Variants in C1orf21 observed in about 807,000 individuals in gnomAD.
The protein encoded by C1orf21 is chromosome 1 open reading frame 21.
Under a neutral mutation model 18.7 loss-of-function variants are expected in C1orf21, and 3 were observed. The ratio of observed to expected loss-of-function variants is 0.16; its 90% CI spans 0.07 to 0.42. The LOEUF (loss-of-function observed/expected upper bound fraction) is 0.42. C1orf21 is among the 10% of genes least tolerant of loss of function. The pLI is 0.99. For missense variants in C1orf21, 104 were observed against 143.6 expected (o/e 0.72, Z 1.41); for synonymous variants, 41 against 46.4 (o/e 0.88, Z 0.47).
At chr1:184,447,910 T>C (rs540815616) in intron 1 of C1orf21, among the ~76,000 whole-genome samples, 1 of 152,298 alleles carries the variant, frequency 6.6e-6, no homozygotes, top group South Asian at 2.1e-4. Context: ...CCTGGTCCAC[T>C]TAAGTGGTCT....
At chr1:184,395,235 C>T (rs1025378617) in intron 1 of C1orf21, among the ~76,000 whole-genome samples, 1 of 151,842 alleles carries the variant, frequency 6.6e-6, no homozygotes, top group Non-Finnish European at 1.5e-5. Flanking sequence ...CTATTGTGCC[C>T]ACTGGGCCTT....
At chr1:184,542,403 A>G (rs984601451) in intron 3 of C1orf21, 1 of 152,202 alleles carries the variant, frequency 6.6e-6, no homozygotes, top group Non-Finnish European at 1.5e-5. Context: ...ATTCAAACCC[A>G]AGCAGGCTGG....
intron 2 of C1orf21, among the ~76,000 whole-genome samples, chr1:184,479,827 T>G (rs1657628144): frequency 6.6e-6 from 1 of 151,932 alleles, no homozygotes. Context: ...TTTGCCATGT[T>G]TCCCAGGCTG....
intron 2 of C1orf21, among the ~76,000 whole-genome samples, chr1:184,482,417 A>G (rs945554562): frequency 6.6e-6 from 1 of 152,198 alleles, no homozygotes; most frequent in Non-Finnish European, 1.5e-5. Context: ...AGTTGAGGGA[A>G]TAGAGTCTCT....
chr1:184,536,956 A>G (rs1050552542), intron 3 of C1orf21, among the ~76,000 whole-genome samples: 1 of 152,188 alleles, frequency 6.6e-6, no homozygotes, highest in Non-Finnish European at 1.5e-5. Context: ...TTCTCATCCA[A>G]GTTTCGTTTT....
At position 184,436,448 on chromosome 1, in the gene C1orf21, C is replaced by T. The variant is rs535819654; in HGVS notation, c.-124-40938C>T. Among the ~76,000 whole-genome samples, 6 of 151,842 alleles carry T rather than the reference C, an allele frequency of 4.0e-5. No individual in the cohort carries two copies. In the South Asian group the frequency reaches 6.3e-4, roughly 16 times the overall value. ...GATGTGGTGCAAAGTCGGCAGCCCA[C>T]GAGACACATTCGGCATGATGCAAAG... is the stretch of plus-strand genomic sequence containing the variant. On this transcript the variant is annotated intron_variant, in intron 1 of 5. Coordinates refer to ENST00000235307, the MANE Select transcript of C1orf21 (RefSeq NM_030806.4).
chr1:184,484,211 A>G (rs1340327871), intron 2 of C1orf21, among the ~76,000 whole-genome samples: 1 of 152,074 alleles, frequency 6.6e-6, no homozygotes, highest in Non-Finnish European at 1.5e-5. Flanking sequence ...TTACAGGCGC[A>G]GCCTTGTTTT....
intron 1 of C1orf21, among the ~76,000 whole-genome samples, chr1:184,394,097 A>G (rs1214722097): frequency 1.3e-5 from 2 of 152,204 alleles, no homozygotes; most frequent in Non-Finnish European, 2.9e-5. Context: ...AATATATCCC[A>G]TTGACTCACT....
chr1:184,616,638 GAAC>G (rs1659827631), intron 5 of C1orf21, among the ~76,000 whole-genome samples: 1 of 152,172 alleles, frequency 6.6e-6, no homozygotes, highest in Non-Finnish European at 1.5e-5. Context: ...AAGACAATGA[GAAC>G]ACCACCTTTC....
intron 3 of C1orf21, among the ~76,000 whole-genome samples, chr1:184,581,537 A>G (rs1027536361): frequency 2.6e-5 from 4 of 152,176 alleles, no homozygotes; most frequent in Admixed American, 2.0e-4. Context: ...TGGTTCTTCC[A>G]AGTTCGTTGA....
At chr1:184,560,252 T>C (rs1439620125) in intron 3 of C1orf21, among the ~76,000 whole-genome samples, 1 of 152,188 alleles carries the variant, frequency 6.6e-6, no homozygotes, top group East Asian at 1.9e-4. Context: ...TAAGACATAA[T>C]AGTAATGTGC....
intron 3 of C1orf21, among the ~76,000 whole-genome samples, chr1:184,589,888 CG>C (rs1457106743): frequency 6.6e-6 from 1 of 152,150 alleles, no homozygotes; most frequent in Non-Finnish European, 1.5e-5. Flanking sequence ...AATGTTGCAT[CG>C]GCCCATGGCA....
At chr1:184,422,932 G>T (rs1252264891) in intron 1 of C1orf21, among the ~76,000 whole-genome samples, 1 of 152,232 alleles carries the variant, frequency 6.6e-6, no homozygotes, top group Non-Finnish European at 1.5e-5. Context: ...AGGGAAAGCA[G>T]TCCTGTGGAG....
At chr1:184,424,923 C>T (rs1656609270) in intron 1 of C1orf21, among the ~76,000 whole-genome samples, 1 of 152,188 alleles carries the variant, frequency 6.6e-6, no homozygotes, top group Non-Finnish European at 1.5e-5. Context: ...TTCTGGTTAT[C>T]AGAACACCTA....
At position 184,619,575 on chromosome 1, in the gene C1orf21, A is replaced by G; in HGVS notation, c.*19A>G. The G allele has an allele frequency of 6.2e-7, 1 of 1,612,574 alleles. No homozygotes were observed. Among genetic ancestry groups the G allele is most frequent in the Non-Finnish European group, 8.5e-7 (1 of 1,178,920 alleles). On this transcript the variant is annotated 3_prime_UTR_variant, in exon 6 of 6. Coordinates refer to ENST00000235307, the MANE Select transcript of C1orf21 (RefSeq NM_030806.4). ...CACATAGCACCAATTTTACCACTCA[A>G]ACCAGGAGCTACTACTGTGTAAATA...
intron 4 of C1orf21, among the ~76,000 whole-genome samples, chr1:184,597,871 T>A (rs1279981696): frequency 6.6e-6 from 1 of 152,186 alleles, no homozygotes; most frequent in Non-Finnish European, 1.5e-5. Flanking sequence ...GTGTATCTGC[T>A]GCCACCAGTG....
At position 184,590,239 on chromosome 1, in the gene C1orf21, G is replaced by A. The variant is rs368723164; in HGVS notation, c.190-500G>A. On this transcript the variant is annotated intron_variant, in intron 3 of 5. Transcript: ENST00000235307. The stretch of plus-strand genomic sequence containing the variant: ...GAATACAGGCTAGGATTGAATTGTA[G>A]TAATTCAATTGAATTCAATCTCAGC... Among the ~76,000 whole-genome samples the A allele has an allele frequency of 1.4e-4, 22 of 152,308 alleles. No individual in the cohort carries two copies. In the East Asian group the frequency reaches 2.5e-3, roughly 17 times the overall value.
intron 1 of C1orf21, among the ~76,000 whole-genome samples, chr1:184,417,486 C>T (rs1656471770): frequency 6.6e-6 from 1 of 152,088 alleles, no homozygotes; most frequent in Admixed American, 6.5e-5. Flanking sequence ...TTATAGACCT[C>T]AAAAATTTAG....
chr1:184,436,766 G>A (rs1363372433), intron 1 of C1orf21, among the ~76,000 whole-genome samples: 3 of 152,062 alleles, frequency 2.0e-5, no homozygotes, highest in African/African-American at 7.2e-5. Flanking sequence ...ATTGGGCTTT[G>A]TGCTGGGAAT....
Sources: allele counts gnomAD v4.1 joint callset (sites outside exome capture counted in the v4.1 genomes callset), GRCh38; gene constraint gnomAD v4.1.1; transcripts MANE v1.5; gene names NCBI Gene and HGNC (gene_info 2026-07-23, HGNC 2026-07-21).